The following MACROD2 variants were observed in gnomAD, a reference collection of about 807,000 sequenced individuals.
The protein encoded by MACROD2 is mono-ADP ribosylhydrolase 2.
A neutral mutation model predicts 70.4 loss-of-function variants in MACROD2; 36 were observed. The observed-to-expected ratio is 0.51, with a 90% confidence interval of 0.39 to 0.68. The LOEUF is 0.68. MACROD2 is among the 30% of genes least tolerant of loss of function. The pLI is 0.00. For synonymous variants in MACROD2, 172 were observed against 178.8 expected (o/e 0.96, Z 0.30); for missense variants, 496 against 538.4 (o/e 0.92, Z 0.78).
At chr20:15,348,784 G>A (rs940543388) in intron 6 of MACROD2, among the ~76,000 whole-genome samples, 1 of 152,058 alleles carries the variant, frequency 6.6e-6, no homozygotes, top group South Asian at 2.1e-4. Context: ...CCGTGTTTCA[G>A]TTACCTTCCA....
chr20:15,371,730 T>C (rs2045497116), intron 6 of MACROD2, among the ~76,000 whole-genome samples: 1 of 152,138 alleles, frequency 6.6e-6, no homozygotes, highest in Non-Finnish European at 1.5e-5. Flanking sequence ...TAGAAATGGA[T>C]AAATATTTTT....
At chr20:14,878,704 A>C (rs2073577693) in intron 5 of MACROD2, among the ~76,000 whole-genome samples, 1 of 152,156 alleles carries the variant, frequency 6.6e-6, no homozygotes, top group Non-Finnish European at 1.5e-5. Context: ...TAAATAGTTT[A>C]CTGGCCGAGT....
chr20:16,044,173 C>T (rs886920092), intron 16 of MACROD2, among the ~76,000 whole-genome samples: 4 of 152,004 alleles, frequency 2.6e-5, no homozygotes, highest in Admixed American at 2.6e-4. Flanking sequence ...GGGGAGTATG[C>T]AACTCACATG....
chr20:15,297,330 A>G (rs1388524512), intron 6 of MACROD2, among the ~76,000 whole-genome samples: 10 of 152,136 alleles, frequency 6.6e-5, no homozygotes, highest in East Asian at 1.9e-4. Flanking sequence ...TCAGAATCCA[A>G]TTGTTACAGC....
At chr20:14,844,691 A>G (rs2073121802) in intron 5 of MACROD2, among the ~76,000 whole-genome samples, 1 of 152,108 alleles carries the variant, frequency 6.6e-6, no homozygotes, top group African/African-American at 2.4e-5. Context: ...AAAGAAAGGC[A>G]TAAACATAGT....
chr20:14,175,838 C>G (rs1253388530), intron 3 of MACROD2, among the ~76,000 whole-genome samples: 3 of 152,152 alleles, frequency 2.0e-5, no homozygotes, highest in African/African-American at 7.2e-5. Context: ...TGAATGTAAA[C>G]TTAATAACAT....
intron 4 of MACROD2, among the ~76,000 whole-genome samples, chr20:14,668,625 C>G (rs2070761854): frequency 6.6e-6 from 1 of 152,074 alleles, no homozygotes; most frequent in South Asian, 2.1e-4. Context: ...CATATCTCAA[C>G]CTATTAATTT....
chr20:14,897,962 C>G (rs1353282280), intron 5 of MACROD2, among the ~76,000 whole-genome samples: 1 of 152,094 alleles, frequency 6.6e-6, no homozygotes, highest in Non-Finnish European at 1.5e-5. Context: ...AACCAATCAT[C>G]TCCCAGAGAC....
At chr20:16,010,633 A>G (rs2066850912) in intron 15 of MACROD2, among the ~76,000 whole-genome samples, 1 of 152,178 alleles carries the variant, frequency 6.6e-6, no homozygotes, top group Non-Finnish European at 1.5e-5. Context: ...GACAGCCCTC[A>G]TAAGACCTCC....
chr20:16,037,032 T>A (rs990606499), intron 15 of MACROD2, among the ~76,000 whole-genome samples: 1 of 152,012 alleles, frequency 6.6e-6, no homozygotes, highest in African/African-American at 2.4e-5. Context: ...AACTTTGATT[T>A]CTGTTTTTTT....
intron 3 of MACROD2, among the ~76,000 whole-genome samples, chr20:14,246,577 A>C (rs1360205259): frequency 6.6e-6 from 1 of 152,094 alleles, no homozygotes; most frequent in East Asian, 1.9e-4. Flanking sequence ...TCTGCTTCTG[A>C]TTCCTTTTCT....
At chr20:14,892,123 A>G (rs1192793086) in intron 5 of MACROD2, among the ~76,000 whole-genome samples, 1 of 152,180 alleles carries the variant, frequency 6.6e-6, no homozygotes, top group Non-Finnish European at 1.5e-5. Flanking sequence ...ACTAAGATGA[A>G]CATCATTTAT....
intron 5 of MACROD2, among the ~76,000 whole-genome samples, chr20:14,898,297 A>G (rs1806206079): frequency 3.3e-5 from 5 of 152,176 alleles, no homozygotes; most frequent in Admixed American, 3.3e-4. Context: ...TTGGATGACA[A>G]AGGAAGAAAG....
intron 8 of MACROD2, among the ~76,000 whole-genome samples, chr20:15,853,215 C>T (rs1241780116): frequency 2.0e-5 from 3 of 152,104 alleles, no homozygotes; most frequent in East Asian, 3.9e-4. Context: ...TGAATAATAA[C>T]TATGCAAACA....
chr20:15,274,491 C>A (rs1417179155), intron 6 of MACROD2, among the ~76,000 whole-genome samples: 2 of 152,224 alleles, frequency 1.3e-5, no homozygotes, highest in Non-Finnish European at 2.9e-5. Flanking sequence ...CTGTCTTTCA[C>A]CTCACATCTA....
At chr20:14,950,392 G>C (rs1288559606) in intron 5 of MACROD2, among the ~76,000 whole-genome samples, 8 of 152,128 alleles carry the variant, frequency 5.3e-5, no homozygotes, top group African/African-American at 9.7e-5. Context: ...CTAAGGGAAT[G>C]ACCAAATTAG....
intron 3 of MACROD2, among the ~76,000 whole-genome samples, chr20:14,272,163 G>A (rs1390015708): frequency 6.6e-6 from 1 of 151,964 alleles, no homozygotes; most frequent in Non-Finnish European, 1.5e-5. Flanking sequence ...GATACTCCTC[G>A]AGAAGAGCAA....
intron 4 of MACROD2, among the ~76,000 whole-genome samples, chr20:14,654,695 A>G (rs1253128425): frequency 1.3e-5 from 2 of 152,172 alleles, no homozygotes; most frequent in African/African-American, 4.8e-5. Flanking sequence ...TTGGTCTGGC[A>G]GTTCATCTGA....
intron 3 of MACROD2, among the ~76,000 whole-genome samples, chr20:14,157,182 T>C (rs2055114833): frequency 6.6e-6 from 1 of 152,184 alleles, no homozygotes; most frequent in Non-Finnish European, 1.5e-5. Context: ...AGTCTGTTTT[T>C]GGACTCCTTA....
Sources: allele counts gnomAD v4.1 joint callset (sites outside exome capture counted in the v4.1 genomes callset), GRCh38; gene constraint gnomAD v4.1.1; transcripts MANE v1.5; gene names NCBI Gene and HGNC (gene_info 2026-07-23, HGNC 2026-07-21).